Variants in ODAD1 observed in about 807,000 individuals in gnomAD.
ODAD1 encodes outer dynein arm docking complex subunit 1.
A neutral mutation model predicts 67.2 loss-of-function variants in ODAD1; 49 were observed. That is an observed-to-expected ratio of 0.73 (90% CI 0.58 to 0.92). ODAD1 has a LOEUF of 0.92. ODAD1 is among the 40% of genes least tolerant of loss of function. The pLI is 0.00. For synonymous variants in ODAD1, 345 were observed against 393.7 expected (o/e 0.88, Z 1.46); for missense variants, 897 against 953.7 (o/e 0.94, Z 0.78).
rs1293239118 is a variant in ODAD1, at chr19:48,296,993, T to C, written c.2107A>G (p.Lys703Glu). 1 of 1,604,446 alleles carries C rather than the reference T, an allele frequency of 6.2e-7. No homozygotes were observed. The highest frequency in any genetic ancestry group is 1.7e-5 in the Admixed American group (1 of 59,518). Residue 703 changes from lysine (K) to glutamate (E), a missense_variant, in exon 16 of 16, where the codon AAA becomes GAA. By Grantham distance (56) the Lys-to-Glu change is moderately conservative. Coordinates refer to ENST00000674294, the MANE Select transcript of ODAD1 (RefSeq NM_001364171.2). The part of the protein sequence containing the change: ...SSTGPGSSTS[K>E]DSRG ...CCCTCGTGTTAGCCCCGGGAGTCTTTGCTGGTGGAGGAGCCCGGGCCAGTG... is the reference window on the plus strand; with the variant it reads ...CCCTCGTGTTAGCCCCGGGAGTCTTCGCTGGTGGAGGAGCCCGGGCCAGTG...
chr19:48,311,522 G>C (rs2147327411), intron 7 of ODAD1, 31 bp downstream of exon 7: 1 of 1,317,186 alleles, frequency 7.6e-7, no homozygotes, highest in Non-Finnish European at 1.1e-6. Flanking sequence ...AGGGGTCCCT[G>C]TCTCCTCCCC....
intron 12 of ODAD1, among the ~76,000 whole-genome samples, 160 bp from the exon 13 acceptor site, chr19:48,298,500 G>A (rs541623916): frequency 1.8e-4 from 28 of 152,120 alleles, no homozygotes; most frequent in Non-Finnish European, 3.5e-4. Flanking sequence ...GCAGGGGGAC[G>A]GCACTGCTGT....
In ODAD1 at chr19:48,306,223, GT is replaced by G. The variant is rs759674548; in HGVS notation, c.665+32del. ...GAAAGGTGCGTCCTGAGTCATCTGG[GT>G]CCCGCCATCCCAGGATACCCGCAGT... On this transcript the variant is annotated intron_variant, in intron 8 of 15. Transcript: ENST00000674294. The G allele has an allele frequency of 1.3e-5, 20 of 1,550,990 alleles. No individual in the cohort carries two copies. In the South Asian group the frequency reaches 2.4e-4, roughly 18 times the overall value.
intron 11 of ODAD1, 58 bp downstream of exon 11, chr19:48,302,955 G>C: frequency 2.4e-6 from 3 of 1,254,336 alleles, no homozygotes; most frequent in African/African-American, 1.5e-5. Flanking sequence ...CTGAGGGAGG[G>C]AAGGGGGCGG....
At chr19:48,301,198 A>G (rs1390536968) in intron 12 of ODAD1, 1 of 150,402 alleles carries the variant, frequency 6.6e-6, no homozygotes, top group Non-Finnish European at 1.5e-5. Flanking sequence ...GGACTCCCAT[A>G]TGCTCGCATA....
intron 7 of ODAD1, 121 bp from the exon 8 acceptor site, chr19:48,306,444 C>G: frequency 2.6e-6 from 2 of 769,324 alleles, no homozygotes; most frequent in Non-Finnish European, 4.4e-6. Flanking sequence ...CAAATGTGGA[C>G]CCTCCTCATT....
Position 48,303,088 on chromosome 19 carries a change from C to G in ODAD1, c.996G>C (p.Glu332Asp), listed in dbSNP as rs148677470. Residue 332 changes from glutamate to aspartate, a missense_variant, in exon 11 of 16, where the codon GAG becomes GAC. Coordinates refer to ENST00000674294, the MANE Select transcript of ODAD1 (RefSeq NM_001364171.2). Reference sequence around the variant, plus strand: ...TGAAGTTGAACTCAGCAAAGTTGCGCTCCTCGACTGGGAGAGTTGGGCAAG... The same window carrying G: ...TGAAGTTGAACTCAGCAAAGTTGCGGTCCTCGACTGGGAGAGTTGGGCAAG... ...LLVQKYLEIE[E>D]RNFAEFNFIN... is the part of the protein sequence containing the mutation. 2.5e-6 allele frequency: 4 copies of G among 1,613,814 alleles called. No homozygotes were observed. The East Asian group carries it at 8.9e-5, about 36-fold the overall frequency.
At position 48,321,971 on chromosome 19, in the gene ODAD1, G is replaced by A. The variant is rs1969038899; in HGVS notation, c.-357C>T. On this transcript the variant is annotated 5_prime_UTR_variant, in exon 1 of 16. Coordinates refer to ENST00000674294, the MANE Select transcript of ODAD1 (RefSeq NM_001364171.2). ...TACCACGTCCGCGCGCTGGAGGGCG[G>A]AAGTGGGTGAGACCTCGGGCACTCC... The A allele has an allele frequency of 7.7e-6, 3 of 388,726 alleles. No homozygotes were observed. Among genetic ancestry groups the A allele is most frequent in the Non-Finnish European group, 1.4e-5 (3 of 219,750 alleles). The allele number at this position is 388,726 out of a possible 1,614,324, so 24.1% of individuals were successfully genotyped here.
At chr19:48,297,920 CA>C in intron 14 of ODAD1, 79 bp downstream of exon 14, 1 of 1,214,404 alleles carries the variant, frequency 8.2e-7, no homozygotes, top group Non-Finnish European at 1.2e-6. Flanking sequence ...AAAAGCCCCC[CA>C]AAACTCTCTA....
At chr19:48,298,384 C>A (rs1426223768) in intron 12 of ODAD1, 44 bp from the exon 13 acceptor site, 1 of 1,599,880 alleles carries the variant, frequency 6.3e-7, no homozygotes, top group Non-Finnish European at 8.5e-7. Context: ...GCACCGCCAG[C>A]TGGGTGCCAG....
At position 48,306,960 on chromosome 19, in the gene ODAD1, A is replaced by G. The variant is rs143936512; in HGVS notation, c.598-637T>C. On this transcript the variant is annotated intron_variant, in intron 7 of 15. Transcript: ENST00000674294. ...CACTTTGGGAGGCCAAGACGGGAGGATCACCTGAGGTCGGGAGTTTGAGAC... is the reference window on the plus strand; with the variant it reads ...CACTTTGGGAGGCCAAGACGGGAGGGTCACCTGAGGTCGGGAGTTTGAGAC... 4.3e-3 allele frequency among the ~76,000 whole-genome samples: 658 copies of G among 152,154 alleles called. 4 individuals are homozygous for G. Among genetic ancestry groups the G allele is most frequent in the African/African-American group, 0.015 (628 of 41,522 alleles).
In ODAD1 at chr19:48,297,011, G is replaced by A; in HGVS notation, c.2089C>T (p.Pro697Ser). The A allele has an allele frequency of 1.2e-6, 2 of 1,610,016 alleles. No homozygotes were observed. The highest frequency in any genetic ancestry group is 1.7e-6 in the Non-Finnish European group (2 of 1,179,200). Reference sequence around the variant, plus strand: ...GAGTCTTTGCTGGTGGAGGAGCCCGGGCCAGTGCTGGAGGCAGGGCCGGTG... The same window carrying A: ...GAGTCTTTGCTGGTGGAGGAGCCCGAGCCAGTGCTGGAGGCAGGGCCGGTG... Reference protein sequence around the residue: ...SSTGPASSTGPGSSTSKDSRG With the variant: ...SSTGPASSTGSGSSTSKDSRG The change falls in exon 16 of 16, where the codon CCG (proline) becomes TCG (serine). Residue 697 changes from proline to serine, a missense_variant. By Grantham distance (74) the Pro-to-Ser change is moderately conservative (BLOSUM62 -1). Transcript: ENST00000674294.
In ODAD1 at chr19:48,312,056, T is replaced by A. The variant is rs1968777380; in HGVS notation, c.421A>T (p.Ile141Phe). 6.4e-7 allele frequency: 1 copy of A among 1,550,648 alleles called. No homozygotes were observed. Among genetic ancestry groups the A allele is most frequent in the Non-Finnish European group, 8.7e-7 (1 of 1,145,708 alleles). ...HSKNVRSPGF[I>F]LDQKVKIRRR... ...CTGATCTTGACCTTCTGATCCAGGA[T>A]GAATCCCGGGGACCTGACATTCTTA... is the stretch of plus-strand genomic sequence containing the variant. The change falls in exon 6 of 16, where the codon ATC becomes TTC. Residue 141 changes from isoleucine to phenylalanine, a missense_variant. By Grantham distance (21) the Ile-to-Phe change is conservative. Transcript: ENST00000674294.
Position 48,320,280 on chromosome 19 carries a change from T to C in ODAD1, c.70+19A>G. The C allele has an allele frequency of 3.2e-6, 4 of 1,249,170 alleles. No individual in the cohort carries two copies. Among genetic ancestry groups the C allele is most frequent in the South Asian group, 1.3e-5 (1 of 79,986 alleles). The allele number at this position is 1,249,170 out of a possible 1,614,324, so 77.4% of individuals were successfully genotyped here. A position where few individuals can be genotyped will look rare whatever the true frequency, so the allele number is the denominator to read the frequency against. On this transcript the variant is annotated intron_variant, in intron 3 of 15. Coordinates refer to ENST00000674294, the MANE Select transcript of ODAD1 (RefSeq NM_001364171.2). ...GCTGGAAAAGAATGGGTGAATGATA[T>C]AAAGAATGAATGAATTACCCATTCC...
In ODAD1 at chr19:48,303,099, G is replaced by C. The variant is rs1256414652; in HGVS notation, c.989-4C>G. 2 of 1,611,920 alleles carry C rather than the reference G, an allele frequency of 1.2e-6. No individual in the cohort carries two copies. The highest frequency in any genetic ancestry group is 1.7e-5 in the Admixed American group (1 of 60,012). On this transcript the variant is annotated splice_region_variant and splice_polypyrimidine_tract_variant and intron_variant, in intron 10 of 15. Transcript: ENST00000674294. ...TCAGCAAAGTTGCGCTCCTCGACTG[G>C]GAGAGTTGGGCAAGGCGGGGCCCAG...
In ODAD1 at chr19:48,302,772, C is replaced by T. The variant is rs1216815830; in HGVS notation, c.1162G>A (p.Asp388Asn). 2 of 1,613,834 alleles carry T rather than the reference C, an allele frequency of 1.2e-6. No individual in the cohort carries two copies. Among genetic ancestry groups the T allele is most frequent in the Admixed American group, 3.3e-5 (2 of 60,002 alleles). ...CGCTCAGCCTCCGAGTGCACCTTGTCCATGCGCTGCTGCAACACCTTCTGC... is the reference window on the plus strand; with the variant it reads ...CGCTCAGCCTCCGAGTGCACCTTGTTCATGCGCTGCTGCAACACCTTCTGC... ...QQQKVLQQRM[D>N]KVHSEAERLE... The change falls in exon 12 of 16, where the codon GAC becomes AAC. Residue 388 changes from aspartate to asparagine, a missense_variant. Transcript: ENST00000674294.
rs544515139 is a variant in ODAD1, at chr19:48,304,023, G to A, written c.783C>T (p.His261=). Residue 261 remains histidine (H), a synonymous_variant, in exon 9 of 16, where the codon CAC becomes CAT. Coordinates refer to ENST00000674294, the MANE Select transcript of ODAD1 (RefSeq NM_001364171.2). The part of the protein sequence containing the change: ...QRQILHLEQL[H]HFLKLKNNDR... ...CGTTGTTCTTGAGCTTGAGGAAGTG[G>A]TGCAGCTGCTCCAGGTGCAAGATCT... The A allele has an allele frequency of 1.9e-6, 3 of 1,614,226 alleles. No individual in the cohort carries two copies. In the Admixed American group the frequency reaches 5.0e-5, roughly 27 times the overall value.
intron 12 of ODAD1, among the ~76,000 whole-genome samples, chr19:48,298,727 C>T (rs1020874662): frequency 2.0e-5 from 3 of 152,186 alleles, no homozygotes; most frequent in Admixed American, 2.0e-4. Context: ...CTGGGCCCCA[C>T]AAATTATGGT....
chr19:48,312,114 G>A lies in ODAD1; in HGVS notation c.363C>T (p.Ile121=), dbSNP rs775672231. The change falls in exon 6 of 16, where the codon ATC becomes ATT. Residue 121 remains isoleucine (I), a splice_region_variant and synonymous_variant. Transcript: ENST00000674294. ...QEQTRALDKQ[I]QEWETRIFTH... ...TAAAGATCCGCGTCTCCCACTCCTG[G>A]ATCTACAAGAAAGAGGATGGTACCT... The A allele has an allele frequency of 1.3e-6, 2 of 1,551,026 alleles. No homozygotes were observed. The highest frequency in any genetic ancestry group is 1.4e-5 in the African/African-American group (1 of 73,004).
Sources: gnomAD v4.1 joint callset for allele counts (sites outside exome capture counted in the v4.1 genomes callset) on GRCh38, gnomAD v4.1.1 for gene constraint, MANE v1.5 for transcripts, NCBI Gene and HGNC (gene_info 2026-07-23, HGNC 2026-07-21) for gene names.